The following AP1G1 variants were observed in gnomAD, a reference collection of about 807,000 sequenced individuals.
AP1G1 encodes the protein adaptor related protein complex 1 subunit gamma 1, also known as AP-1 complex subunit gamma-1.
Under a neutral mutation model 108.3 loss-of-function variants are expected in AP1G1, and 7 were observed. The observed-to-expected ratio is 0.06, with a 90% CI of 0.04 to 0.12. The LOEUF (loss-of-function observed/expected upper bound fraction) is 0.12. AP1G1 is among the 10% of genes least tolerant of loss of function. The pLI, the probability that AP1G1 is intolerant of heterozygous loss-of-function variation, is 1.00. For missense variants in AP1G1, 756 were observed against 1,010.7 expected (o/e 0.75, Z 3.42); for synonymous variants, 379 against 353.5 (o/e 1.07, Z -0.81).
chr16:71,772,975 T>C (rs1328268502), intron 4 of AP1G1: 3 of 574,128 alleles, frequency 5.2e-6, no homozygotes, highest in Non-Finnish European at 9.7e-6. Flanking sequence ...TGTAATACTG[T>C]TTAGAATCAG....
intron 5 of AP1G1, 41 bp from the exon 6 acceptor site, chr16:71,769,740 T>C: frequency 6.8e-7 from 1 of 1,472,124 alleles, no homozygotes. Context: ...ATGAGGCCTA[T>C]TATTCAATTT....
chr16:71,756,117 A>G lies in AP1G1; in HGVS notation c.1131T>C (p.Asn377=). 6.2e-7 allele frequency: 1 copy of G among 1,613,818 alleles called. No individual in the cohort carries two copies. The highest frequency in any genetic ancestry group is 8.5e-7 in the Non-Finnish European group (1 of 1,179,844). ...ELSFALVNGN[N]IRGMMKELLY... is the part of the protein sequence containing the mutation. ...GTAATTCTTTCATCATGCCTCGGAT[A>G]TTATTCCCATTTACCAGGGCAAAAC... Residue 377 remains asparagine, a synonymous_variant, in exon 12 of 23, where the codon AAT becomes AAC. Coordinates refer to ENST00000299980, the MANE Select transcript of AP1G1 (RefSeq NM_001128.6).
chr16:71,740,042 G>T (rs1290426589), intron 19 of AP1G1, among the ~76,000 whole-genome samples: 2 of 152,168 alleles, frequency 1.3e-5, no homozygotes, highest in Non-Finnish European at 1.5e-5. Context: ...AAATTTCGAT[G>T]TCTGATAATT....
chr16:71,771,400 T>C (rs1291289418), intron 4 of AP1G1, 148 bp from the exon 5 acceptor site: 3 of 555,098 alleles, frequency 5.4e-6, no homozygotes, highest in Non-Finnish European at 6.3e-6. Flanking sequence ...ATTAGATTTA[T>C]GGCTCGACAC....
At chr16:71,778,717 A>G (rs1296967846) in intron 2 of AP1G1, among the ~76,000 whole-genome samples, 1 of 151,704 alleles carries the variant, frequency 6.6e-6, no homozygotes, top group Non-Finnish European at 1.5e-5. Flanking sequence ...AAAAAAAAAG[A>G]ATGTTATCAA....
At chr16:71,803,746 G>A (rs2032891188) in intron 1 of AP1G1, among the ~76,000 whole-genome samples, 1 of 152,028 alleles carries the variant, frequency 6.6e-6, no homozygotes, top group Non-Finnish European at 1.5e-5. Flanking sequence ...TCAACAGGGT[G>A]AAGCCCTGTC....
At chr16:71,794,866 C>CTTTTTTTTTTTTTTTTT in intron 1 of AP1G1, among the ~76,000 whole-genome samples, 208 of 46,610 alleles carry the variant, frequency 4.5e-3, no homozygotes, top group Non-Finnish European at 5.0e-3. Flanking sequence ...TTTTTTTTTA[C>CTTTTTTTTTTTTTTTTT]TTTGAAATGC....
At chr16:71,736,585 TA>T (rs2045548178) in intron 21 of AP1G1, among the ~76,000 whole-genome samples, 5 of 139,600 alleles carry the variant, frequency 3.6e-5, no homozygotes, top group Non-Finnish European at 7.7e-5. Flanking sequence ...TTTATTTATT[TA>T]TTTATTTATT....
chr16:71,750,446 G>C (rs1028587624), intron 13 of AP1G1, 114 bp from the exon 14 acceptor site: 5 of 1,279,504 alleles, frequency 3.9e-6, no homozygotes, highest in Non-Finnish European at 5.4e-6. Context: ...ACAGAGTCTC[G>C]CTCTGTCACC....
At position 71,769,546 on chromosome 16, in the gene AP1G1, T is replaced by A. The variant is rs767629702; in HGVS notation, c.642+77A>T. On this transcript the variant is annotated intron_variant, in intron 6 of 22. Transcript: ENST00000299980. ...TCCATAGCTTGCTTTCAAAAAAAAA[T>A]AAGAAGAAAATCATGTACTTTTCAG... is the stretch of plus-strand genomic sequence containing the variant. 8.0e-6 allele frequency: 11 copies of A among 1,380,270 alleles called. No individual in the cohort carries two copies. In the East Asian group the frequency reaches 1.2e-4, roughly 15 times the overall value. 85.5% of individuals were successfully genotyped at this position (1,380,270 alleles called of 1,614,324 possible). A position where few individuals can be genotyped will look rare whatever the true frequency, so the allele number is the denominator to read the frequency against.
chr16:71,806,670 G>A (rs948244339), intron 1 of AP1G1: 3 of 1,280,432 alleles, frequency 2.3e-6, no homozygotes, highest in African/African-American at 3.0e-5. Flanking sequence ...AGTAGTAACT[G>A]CGAGGGCATA....
chr16:71,785,799 G>A (rs542967731), intron 2 of AP1G1, among the ~76,000 whole-genome samples: 19 of 151,918 alleles, frequency 1.3e-4, no homozygotes, highest in Non-Finnish European at 2.4e-4. Context: ...GGAGAATGGC[G>A]TGAACCCAGG....
chr16:71,780,968 C>T (rs529245387), intron 2 of AP1G1, among the ~76,000 whole-genome samples: 5 of 152,194 alleles, frequency 3.3e-5, no homozygotes, highest in African/African-American at 1.2e-4. Flanking sequence ...CATGCATGAG[C>T]CACTGTACCC....
intron 1 of AP1G1, among the ~76,000 whole-genome samples, chr16:71,807,534 G>A (rs905142289): frequency 6.6e-6 from 1 of 152,158 alleles, no homozygotes; most frequent in Non-Finnish European, 1.5e-5. Context: ...TACTTAGAGG[G>A]TTCATATTTT....
At chr16:71,793,881 C>T (rs1467580928) in intron 1 of AP1G1, among the ~76,000 whole-genome samples, 1 of 152,092 alleles carries the variant, frequency 6.6e-6, no homozygotes, top group Non-Finnish European at 1.5e-5. Context: ...GGCTGACTGG[C>T]TGATTTTTGT....
chr16:71,735,950 G>C (rs573712897), intron 21 of AP1G1, among the ~76,000 whole-genome samples: 1 of 150,048 alleles, frequency 6.7e-6, no homozygotes, highest in Admixed American at 6.7e-5. Flanking sequence ...GGTCAACATG[G>C]CAAAACCCCA....
At chr16:71,774,729 CT>C (rs1421133915) in intron 2 of AP1G1, 137 bp from the exon 3 acceptor site, 68 of 976,834 alleles carry the variant, frequency 7.0e-5, no homozygotes, top group Middle Eastern at 6.0e-4. Context: ...TAAATCTTTT[CT>C]TTTTTTTGAG....
At chr16:71,748,713 CA>C (rs2030317865) in intron 15 of AP1G1, among the ~76,000 whole-genome samples, 1 of 152,142 alleles carries the variant, frequency 6.6e-6, no homozygotes, top group Non-Finnish European at 1.5e-5. Context: ...GTTGTTGCCA[CA>C]ATTTTCCCTT....
chr16:71,776,020 C>T (rs750262391), intron 2 of AP1G1, among the ~76,000 whole-genome samples: 3 of 152,156 alleles, frequency 2.0e-5, no homozygotes, highest in Non-Finnish European at 4.4e-5. Context: ...ATTCAAAGTG[C>T]GTACACAAGA....
Sources: gnomAD v4.1 joint callset for allele counts (sites outside exome capture counted in the v4.1 genomes callset) on GRCh38, gnomAD v4.1.1 for gene constraint, MANE v1.5 for transcripts, NCBI Gene and HGNC (gene_info 2026-07-23, HGNC 2026-07-21) for gene names.